Variants in MTA1 observed in about 807,000 individuals in gnomAD.
MTA1 encodes the protein metastasis associated 1.
In MTA1, 15 loss-of-function variants were observed where a neutral mutation model predicts 97.0. The observed-to-expected ratio is 0.15, with a 90% confidence interval of 0.10 to 0.24. The LOEUF (loss-of-function observed/expected upper bound fraction) is 0.24, where lower values mean the gene tolerates loss of function less well. Among genes scored for constraint, MTA1 ranks in the 10% least tolerant of loss-of-function variants. MTA1 has a pLI of 1.00. For synonymous variants in MTA1, 435 were observed against 417.5 expected, an observed-to-expected ratio of 1.04 and a Z score of -0.51; for missense variants, 709 against 1,015.1, an observed-to-expected ratio of 0.70 and a Z score of 4.10.
chr14:105,466,426 A>AGGGGGGGGGGGGGGGG lies in MTA1; in HGVS notation c.1626_1627insGGGGGGGGGGGGGGGG (p.Thr543GlyfsTer14). The AGGGGGGGGGGGGGGGG allele has an allele frequency of 2.7e-6, 4 of 1,484,176 alleles. No homozygotes were observed. The highest frequency in any genetic ancestry group is 3.7e-6 in the Non-Finnish European group (4 of 1,071,292). 91.9% of individuals were successfully genotyped at this position (1,484,176 alleles called of 1,614,324 possible). A position where few individuals can be genotyped will look rare whatever the true frequency, so the allele number is the denominator to read the frequency against. ...GTTCTGCCTGTGTCATTCCCGGCAG[A>AGGGGGGGGGGGGGGGG]GACCCACCCCCGCCCCCCCAAGCCT... On this transcript the variant is annotated frameshift_variant and splice_region_variant, in exon 17 of 21. Transcript: ENST00000331320. LOFTEE classifies it high-confidence loss of function.
intron 1 of MTA1, among the ~76,000 whole-genome samples, chr14:105,421,686 G>A (rs1248751757): frequency 1.3e-5 from 2 of 152,226 alleles, no homozygotes; most frequent in Admixed American, 6.5e-5. Flanking sequence ...CCATGGTGTG[G>A]GTGAGGACCT....
At chr14:105,428,776 G>A (rs782404336) in intron 1 of MTA1, among the ~76,000 whole-genome samples, 1 of 151,254 alleles carries the variant, frequency 6.6e-6, no homozygotes, top group Non-Finnish European at 1.5e-5. Flanking sequence ...CTGGAGTGCA[G>A]TGGTATGATC....
At position 105,422,737 on chromosome 14, in the gene MTA1, G is replaced by A. The variant is rs1390134642; in HGVS notation, c.28+2674G>A. 6.6e-6 allele frequency among the ~76,000 whole-genome samples: 1 copy of A among 152,232 alleles called. No individual in the cohort carries two copies. Among genetic ancestry groups the A allele is most frequent in the Non-Finnish European group, 1.5e-5 (1 of 68,036 alleles). On this transcript the variant is annotated intron_variant, in intron 1 of 20. Coordinates refer to ENST00000331320, the MANE Select transcript of MTA1 (RefSeq NM_004689.4). This position sits in a 1 kb window ranked among gnomAD's most constrained non-coding sequence, Gnocchi z 4.3. ...CTACTCCGAGGCCCTGCCAGGTTGGGCTAGGCAGGGTGAAGGTGTGGTGGC... is the reference window on the plus strand; with the variant it reads ...CTACTCCGAGGCCCTGCCAGGTTGGACTAGGCAGGGTGAAGGTGTGGTGGC...
chr14:105,468,526 A>C (rs1235580796), intron 18 of MTA1, among the ~76,000 whole-genome samples: 1 of 152,180 alleles, frequency 6.6e-6, no homozygotes, highest in Non-Finnish European at 1.5e-5. Flanking sequence ...CCAGGGCTCC[A>C]GGGCCCCAGT....
intron 10 of MTA1, among the ~76,000 whole-genome samples, chr14:105,461,671 C>T (rs868991487): frequency 5.3e-5 from 8 of 152,144 alleles, no homozygotes; most frequent in African/African-American, 9.7e-5. Context: ...AGGCTGGAGA[C>T]GCATCTGGAA....
intron 1 of MTA1, among the ~76,000 whole-genome samples, chr14:105,438,467 C>G (rs2082397764): frequency 6.6e-6 from 1 of 152,180 alleles, no homozygotes; most frequent in Non-Finnish European, 1.5e-5. Context: ...CTGTCCCTGA[C>G]CCAGCCTGTC....
intron 2 of MTA1, among the ~76,000 whole-genome samples, chr14:105,442,437 G>A (rs1355885218): frequency 3.9e-5 from 6 of 152,234 alleles, no homozygotes; most frequent in East Asian, 1.9e-4. Flanking sequence ...GAGGGGCCTC[G>A]CAGGCGCCCT....
intron 1 of MTA1, among the ~76,000 whole-genome samples, chr14:105,427,485 A>G (rs2082047473): frequency 6.6e-6 from 1 of 152,180 alleles, no homozygotes; most frequent in Admixed American, 6.6e-5. Context: ...GCTCTGCCCC[A>G]CGTGAGTTCA....
At chr14:105,466,988 C>T (rs1464348159) in intron 18 of MTA1, 17 of 569,176 alleles carry the variant, frequency 3.0e-5, no homozygotes, top group Middle Eastern at 4.6e-4. Context: ...TGTCCTGGCA[C>T]GTGTGGCCCT....
chr14:105,438,828 C>T lies in MTA1; in HGVS notation c.96+89C>T, dbSNP rs587771615. The T allele has an allele frequency of 2.6e-5, 36 of 1,378,400 alleles. No homozygotes were observed. The African/African-American group carries it at 3.4e-4, about 13-fold the overall frequency. The allele number at this position is 1,378,400 out of a possible 1,614,324, so 85.4% of individuals were successfully genotyped here. On this transcript the variant is annotated intron_variant, in intron 2 of 20. Transcript: ENST00000331320. ...CTGTGGGTGGCCAGTGTGGGTGGCC[C>T]CCTTTCGGGGCTGATCTTGGACTGG...
rs1555430877 is a variant in MTA1, at chr14:105,460,815, C to T, written c.804C>T (p.Ala268=). The T allele has an allele frequency of 6.2e-7, 1 of 1,610,596 alleles. No individual in the cohort carries two copies. Among genetic ancestry groups the T allele is most frequent in the South Asian group, 1.1e-5 (1 of 90,854 alleles). The change falls in exon 10 of 21, where the codon GCC becomes GCT. Residue 268 remains alanine, a synonymous_variant. Coordinates refer to ENST00000331320, the MANE Select transcript of MTA1 (RefSeq NM_004689.4). ...LHKNIYDISK[A]ISALVPQGGP... ...AGAACATCTACGACATCTCCAAGGC[C>T]ATCTCGGCGCTGGTGCCGCAGGGCG...
chr14:105,444,706 A>G (rs981500027), intron 2 of MTA1, among the ~76,000 whole-genome samples: 7 of 147,228 alleles, frequency 4.8e-5, no homozygotes, highest in Non-Finnish European at 1.1e-4. Context: ...CAGGAGAATC[A>G]CTTGAACCCA....
At chr14:105,448,215 C>A (rs587708169) in intron 3 of MTA1, among the ~76,000 whole-genome samples, 7 of 152,120 alleles carry the variant, frequency 4.6e-5, no homozygotes, top group Non-Finnish European at 8.8e-5. Context: ...AGGGGTGTAT[C>A]CAGGGTCTGA....
At position 105,460,629 on chromosome 14, in the gene MTA1, G is replaced by A. The variant is rs960400572; in HGVS notation, c.754-136G>A. 13 of 1,222,064 alleles carry A rather than the reference G, an allele frequency of 1.1e-5. No individual in the cohort carries two copies. In the African/African-American group the frequency reaches 1.5e-4, roughly 14 times the overall value. The allele number at this position is 1,222,064 out of a possible 1,614,324, so 75.7% of individuals were successfully genotyped here. On this transcript the variant is annotated intron_variant, in intron 9 of 20. Transcript: ENST00000331320. ...TATCCACCCCAAACTCGGCCAGACT[G>A]TGCTGAGGGTGCAGGGAGGGTTGTG...
chr14:105,427,973 G>A (rs1465710036), intron 1 of MTA1, among the ~76,000 whole-genome samples: 1 of 135,756 alleles, frequency 7.4e-6, no homozygotes, highest in Non-Finnish European at 1.5e-5. Flanking sequence ...AGTGGAGATC[G>A]CACCACTGTA....
rs1239547641 is a variant in MTA1 at position 105,463,894 on chromosome 14, G to A, written c.1077-138G>A. The A allele has an allele frequency of 6.1e-6, 5 of 813,618 alleles. No homozygotes were observed. In the African/African-American group the frequency reaches 6.9e-5, roughly 11 times the overall value. The allele number at this position is 813,618 out of a possible 1,614,324, so 50.4% of individuals were successfully genotyped here. A position where few individuals can be genotyped will look rare whatever the true frequency, so the allele number is the denominator to read the frequency against. ...TCCCAGGAACTGAAAGGGGAGAAAG[G>A]AAGATCCCTGCCGAGGCCGAGGGGT... On this transcript the variant is annotated intron_variant, in intron 12 of 20. Coordinates refer to ENST00000331320, the MANE Select transcript of MTA1 (RefSeq NM_004689.4). The surrounding 1 kb of genome is among the most constrained non-coding windows in gnomAD (Gnocchi z 5.9).
At chr14:105,462,066 G>A (rs1228165493) in intron 10 of MTA1, among the ~76,000 whole-genome samples, 3 of 2,546 alleles carry the variant, frequency 1.2e-3, no homozygotes, top group African/African-American at 1.8e-3. Flanking sequence ...GATGCCTAGC[G>A]AGGCAGCGCT....
intron 2 of MTA1, among the ~76,000 whole-genome samples, chr14:105,444,496 T>C (rs1413848010): frequency 6.7e-6 from 1 of 149,188 alleles, no homozygotes; most frequent in East Asian, 2.0e-4. Flanking sequence ...TCTCAAAAAA[T>C]TAAAAAGTTA....
In MTA1 at chr14:105,466,431, C is replaced by CA; in HGVS notation, c.1631dup (p.His544GlnfsTer8). 1.9e-6 allele frequency: 2 copies of CA among 1,042,112 alleles called. No homozygotes were observed. The highest frequency in any genetic ancestry group is 1.8e-5 in the Admixed American group (1 of 55,692). The allele number at this position is 1,042,112 out of a possible 1,614,324, so 64.6% of individuals were successfully genotyped here. A position where few individuals can be genotyped will look rare whatever the true frequency, so the allele number is the denominator to read the frequency against. ...GCCTGTGTCATTCCCGGCAGAGACC[C>CA]ACCCCCGCCCCCCCAAGCCTGACCC... On this transcript the variant is annotated frameshift_variant, in exon 17 of 21. Coordinates refer to ENST00000331320, the MANE Select transcript of MTA1 (RefSeq NM_004689.4). LOFTEE classifies it high-confidence loss of function.
Sources: gnomAD v4.1 joint callset for allele counts (sites outside exome capture counted in the v4.1 genomes callset) on GRCh38, gnomAD v4.1.1 for gene constraint, Gnocchi (gnomAD v3.1) non-coding constraint, MANE v1.5 for transcripts, NCBI Gene and HGNC (gene_info 2026-07-23, HGNC 2026-07-21) for gene names.